KASH5: variants seen among roughly 807,000 people sequenced by gnomAD.
KASH5 encodes KASH domain containing 5.
A neutral mutation model predicts 84.2 loss-of-function variants in KASH5; 72 were observed. That is an observed-to-expected ratio of 0.85 (90% confidence interval 0.71 to 1.04). The LOEUF (loss-of-function observed/expected upper bound fraction) is 1.04. KASH5 is among the 50% of genes least tolerant of loss of function. The pLI is 0.00. For missense variants in KASH5, 650 were observed against 701.0 expected (o/e 0.93, Z 0.82); for synonymous variants, 260 against 279.1 (o/e 0.93, Z 0.68).
At chr19:49,398,979 G>A in intron 7 of KASH5, 46 bp from the exon 8 acceptor site, 1 of 1,416,078 alleles carries the variant, frequency 7.1e-7, no homozygotes. Context: ...GTGCTTCTCT[G>A]CCTTCCTCCC....
intron 10 of KASH5, 104 bp downstream of exon 10, chr19:49,407,067 C>A: frequency 7.5e-7 from 1 of 1,326,634 alleles, no homozygotes; most frequent in African/African-American, 1.5e-5. Context: ...GGTCTTCCAT[C>A]AAGCTGTCAG....
In KASH5 at chr19:49,399,960, G is replaced by T. The variant is rs1396933071; in HGVS notation, c.798+453G>T. Among the ~76,000 whole-genome samples, 1 of 152,186 alleles carries T rather than the reference G, an allele frequency of 6.6e-6. No individual in the cohort carries two copies. The highest frequency in any genetic ancestry group is 1.5e-5 in the Non-Finnish European group (1 of 68,036). On this transcript the variant is annotated intron_variant, in intron 9 of 19. Transcript: ENST00000447857. The surrounding 1 kb of genome is among the most constrained non-coding windows in gnomAD (Gnocchi z 4.4). ...AGTGAATAAAACAGCCAGGCACAGT[G>T]GCTCATGCCTGGAATCCCAGCACTT...
At position 49,399,703 on chromosome 19, in the gene KASH5, A is replaced by G. The variant is rs951913577; in HGVS notation, c.798+196A>G. On this transcript the variant is annotated intron_variant, in intron 9 of 19. Coordinates refer to ENST00000447857, the MANE Select transcript of KASH5 (RefSeq NM_144688.5). The surrounding 1 kb of genome is among the most constrained non-coding windows in gnomAD (Gnocchi z 4.4). ...TTACAAGAGTGTGAGGCATGGGGTCAGCCTACATGGCTTCAGGCTGAGGCC... is the reference window on the plus strand; with the variant it reads ...TTACAAGAGTGTGAGGCATGGGGTCGGCCTACATGGCTTCAGGCTGAGGCC... The G allele has an allele frequency of 4.9e-6, 7 of 1,440,678 alleles. No individual in the cohort carries two copies. In the African/African-American group the frequency reaches 5.7e-5, roughly 12 times the overall value. 89.2% of individuals were successfully genotyped at this position (1,440,678 alleles called of 1,614,324 possible).
intron 9 of KASH5, among the ~76,000 whole-genome samples, chr19:49,403,646 C>G (rs1315275044): frequency 6.6e-6 from 1 of 152,198 alleles, no homozygotes; most frequent in Non-Finnish European, 1.5e-5. Context: ...TTGACTCACT[C>G]CCATGGCTGG....
rs575838925 is a variant in KASH5, at chr19:49,391,023, C to T, written c.43+97C>T. The T allele has an allele frequency of 4.4e-6, 6 of 1,376,076 alleles. 1 individual carries two copies. The South Asian group carries it at 6.2e-5, about 14-fold the overall frequency. The allele number at this position is 1,376,076 out of a possible 1,614,324, so 85.2% of individuals were successfully genotyped here. A position where few individuals can be genotyped will look rare whatever the true frequency, so the allele number is the denominator to read the frequency against. Reference sequence around the variant, plus strand: ...TGACTCGGGGACTTGGGAGAGGTGGCTGGGGGTGGCTGAGCCTTTGCATGG... The same window carrying T: ...TGACTCGGGGACTTGGGAGAGGTGGTTGGGGGTGGCTGAGCCTTTGCATGG... On this transcript the variant is annotated intron_variant, in intron 2 of 19. Transcript: ENST00000447857.
intron 17 of KASH5, 67 bp downstream of exon 17, chr19:49,415,063 C>A: frequency 6.9e-7 from 1 of 1,442,726 alleles, no homozygotes; most frequent in Non-Finnish European, 9.6e-7. Context: ...TGAGTCGTTT[C>A]AACTCTTCCC....
Position 49,406,841 on chromosome 19 carries a change from T to C in KASH5, c.799-45T>C, listed in dbSNP as rs751335712. On this transcript the variant is annotated intron_variant, in intron 9 of 19. Transcript: ENST00000447857. ...CAAATATCTGCTGTTAATTTTGACA[T>C]TACCACTTGCTGGAATGAACGTGAC... 3 of 1,539,308 alleles carry C rather than the reference T, an allele frequency of 1.9e-6. No homozygotes were observed. The Admixed American group carries it at 5.6e-5, about 29-fold the overall frequency.
intron 10 of KASH5, 38 bp downstream of exon 10, chr19:49,407,001 C>A: frequency 6.5e-7 from 1 of 1,544,080 alleles, no homozygotes; most frequent in South Asian, 1.2e-5. Context: ...CTTTCCACCA[C>A]CCCGGGGCCA....
At chr19:49,415,145 T>G in intron 17 of KASH5, 149 bp downstream of exon 17, 1 of 793,772 alleles carries the variant, frequency 1.3e-6, no homozygotes, top group East Asian at 2.7e-5. Flanking sequence ...TAACAAGGCC[T>G]TTGCTGTAGC....
intron 15 of KASH5, among the ~76,000 whole-genome samples, chr19:49,410,566 C>T (rs897089670): frequency 6.6e-6 from 1 of 151,670 alleles, no homozygotes; most frequent in Admixed American, 6.6e-5. Flanking sequence ...TCACTGCAAC[C>T]TCCACCTCCC....
At chr19:49,394,227 C>A (rs546210924) in intron 2 of KASH5, among the ~76,000 whole-genome samples, 105 of 152,268 alleles carry the variant, frequency 6.9e-4, no homozygotes, top group South Asian at 4.1e-3. Flanking sequence ...CTCTGGGCTC[C>A]TAAGCCAATT....
chr19:49,409,035 A>G lies in KASH5; in HGVS notation c.1058+4A>G. 2 of 1,589,656 alleles carry G rather than the reference A, an allele frequency of 1.3e-6. No homozygotes were observed. The highest frequency in any genetic ancestry group is 2.3e-5 in the South Asian group (2 of 87,128). ...AGACCTATGAGGGGCCCGATGAGTG[A>G]GTGGAATTTCAAGGGGTAGGAGGAG... On this transcript the variant is annotated splice_donor_region_variant and intron_variant, in intron 13 of 19. Coordinates refer to ENST00000447857, the MANE Select transcript of KASH5 (RefSeq NM_144688.5).
At chr19:49,404,412 C>G (rs757006596) in intron 9 of KASH5, among the ~76,000 whole-genome samples, 1 of 152,232 alleles carries the variant, frequency 6.6e-6, no homozygotes, top group African/African-American at 2.4e-5. Flanking sequence ...CATTTCATGG[C>G]TGGCATGGGC....
Position 49,394,483 on chromosome 19 carries a change from C to T in KASH5, c.51C>T (p.Leu17=), listed in dbSNP as rs1568609769. Residue 17 remains leucine (L), a synonymous_variant, in exon 3 of 20, where the codon CTC becomes CTT. Transcript: ENST00000447857. The part of the protein sequence containing the change: ...PVGGPTAEMY[L]RERPEEARLG... ...GCCCTCTTGTCTCCCCAGTGTACCTCCGGGAGCGGCCTGAGGAGGCAAGGC... is the reference window on the plus strand; with the variant it reads ...GCCCTCTTGTCTCCCCAGTGTACCTTCGGGAGCGGCCTGAGGAGGCAAGGC... 2 of 1,613,714 alleles carry T rather than the reference C, an allele frequency of 1.2e-6. No homozygotes were observed. Among genetic ancestry groups the T allele is most frequent in the East Asian group, 4.5e-5 (2 of 44,874 alleles).
intron 15 of KASH5, among the ~76,000 whole-genome samples, chr19:49,411,958 AG>A (rs1974730614): frequency 6.7e-6 from 1 of 149,356 alleles, no homozygotes; most frequent in African/African-American, 2.5e-5. Flanking sequence ...GAAGGAAGGA[AG>A]GAAGGAAGGA....
In KASH5 at chr19:49,405,406, G is replaced by T. The variant is rs908235614; in HGVS notation, c.799-1480G>T. Among the ~76,000 whole-genome samples, 3 of 146,666 alleles carry T rather than the reference G, an allele frequency of 2.0e-5. No homozygotes were observed. In the East Asian group the frequency reaches 6.1e-4, roughly 30 times the overall value. ...TGGAAGGCGGAGGTTGCAGTGAGCC[G>T]AGATCACGCCATTGCACTCCAGCCT... On this transcript the variant is annotated intron_variant, in intron 9 of 19. Transcript: ENST00000447857.
chr19:49,406,372 C>T (rs1473676070), intron 9 of KASH5, among the ~76,000 whole-genome samples: 3 of 151,922 alleles, frequency 2.0e-5, no homozygotes, highest in Non-Finnish European at 2.9e-5. Context: ...AGTTAAGCTC[C>T]GTTTTTTTGT....
intron 9 of KASH5, among the ~76,000 whole-genome samples, chr19:49,400,428 C>T (rs1359246548): frequency 6.9e-6 from 1 of 145,612 alleles, no homozygotes; most frequent in Non-Finnish European, 1.5e-5. Flanking sequence ...TGGAATGGCG[C>T]GATCTTACCT....
In KASH5 at chr19:49,406,692, AT is replaced by A. The variant is rs567442787; in HGVS notation, c.799-193del. Among the ~76,000 whole-genome samples the A allele has an allele frequency of 3.5e-3, 528 of 152,234 alleles. 1 individual carries two copies. Among genetic ancestry groups the A allele is most frequent in the Non-Finnish European group, 6.0e-3 (409 of 68,010 alleles). ...GCGTGGCCTAGCTCCATTTTTATAG[AT>A]GGGGGAGCCACACTCAAAGAAATTA... On this transcript the variant is annotated intron_variant, in intron 9 of 19. Transcript: ENST00000447857.
Sources: allele counts gnomAD v4.1 joint callset (sites outside exome capture counted in the v4.1 genomes callset), GRCh38; gene constraint gnomAD v4.1.1; non-coding constraint Gnocchi (gnomAD v3.1); transcripts MANE v1.5; gene names NCBI Gene and HGNC (gene_info 2026-07-23, HGNC 2026-07-21).